SLAIN2: variants seen among roughly 807,000 people sequenced by gnomAD.
SLAIN2 encodes the protein SLAIN motif-containing protein 2.
SLAIN2 carries 31 observed loss-of-function variants against 56.6 expected under a neutral mutation model. The observed-to-expected ratio is 0.55, with a 90% CI of 0.41 to 0.74. SLAIN2 has a LOEUF of 0.74. Ranked by LOEUF, SLAIN2 falls within the 30% of genes least tolerant of loss-of-function variation. The pLI, the probability that SLAIN2 is intolerant of heterozygous loss-of-function variation, is 0.00. For missense variants in SLAIN2, 777 were observed against 754.2 expected (o/e 1.03, Z -0.35); for synonymous variants, 317 against 284.9 (o/e 1.11, Z -1.13).
Position 48,348,648 on chromosome 4 carries a change from C to G in SLAIN2, c.389+6520C>G, listed in dbSNP as rs577626600. On this transcript the variant is annotated intron_variant, in intron 1 of 7. Transcript: ENST00000264313. Reference sequence around the variant, plus strand: ...GAGGTTGCAGTGAGCTGAGATCACGCCATTATACTCCAGCCTGGGCGACAG... The same window carrying G: ...GAGGTTGCAGTGAGCTGAGATCACGGCATTATACTCCAGCCTGGGCGACAG... 2.7e-5 allele frequency among the ~76,000 whole-genome samples: 4 copies of G among 148,860 alleles called. No homozygotes were observed. The East Asian group carries it at 8.0e-4, about 30-fold the overall frequency.
chr4:48,403,139 CT>C (rs925633969), intron 6 of SLAIN2, among the ~76,000 whole-genome samples: 1 of 152,224 alleles, frequency 6.6e-6, no homozygotes, highest in African/African-American at 2.4e-5. Flanking sequence ...CCGAACTCTC[CT>C]TTATGAGGTA....
intron 2 of SLAIN2, among the ~76,000 whole-genome samples, chr4:48,377,537 T>G (rs951327777): frequency 2.0e-5 from 3 of 151,998 alleles, no homozygotes; most frequent in African/African-American, 7.2e-5. Context: ...TGAGAAAACA[T>G]AAGTATGCTT....
chr4:48,372,312 A>G (rs757194370), intron 2 of SLAIN2, among the ~76,000 whole-genome samples: 1 of 152,178 alleles, frequency 6.6e-6, no homozygotes, highest in South Asian at 2.1e-4. Context: ...AACTCTGGCA[A>G]ACTTTTTCTG....
At chr4:48,353,587 CAG>C (rs35220033) in intron 1 of SLAIN2, among the ~76,000 whole-genome samples, 2,699 of 152,102 alleles carry the variant, frequency 0.018, 87 homozygotes, top group African/African-American at 0.062. Context: ...TGGCTGAAAA[CAG>C]AAGGTTTTTT....
intron 6 of SLAIN2, chr4:48,394,456 C>G: frequency 1.4e-6 from 1 of 724,860 alleles, no homozygotes; most frequent in Non-Finnish European, 2.2e-6. Flanking sequence ...ATATTTGCAC[C>G]TTATGGCTTC....
intron 1 of SLAIN2, among the ~76,000 whole-genome samples, chr4:48,354,543 T>G (rs940864389): frequency 6.6e-6 from 1 of 152,108 alleles, no homozygotes; most frequent in Non-Finnish European, 1.5e-5. Context: ...CTCAGCTCAC[T>G]GCAACTTTTG....
At chr4:48,397,048 C>T (rs557170707) in intron 6 of SLAIN2, among the ~76,000 whole-genome samples, 1 of 152,274 alleles carries the variant, frequency 6.6e-6, no homozygotes, top group South Asian at 2.1e-4. Context: ...ATTTTTAAGA[C>T]TTCATGGAAG....
chr4:48,363,875 GC>G, intron 1 of SLAIN2, among the ~76,000 whole-genome samples: 2 of 142,922 alleles, frequency 1.4e-5, no homozygotes, highest in East Asian at 4.3e-4. Context: ...GGGCGGCCGG[GC>G]AGAGGCGCCC....
chr4:48,407,857 C>T (rs560337735), intron 6 of SLAIN2, among the ~76,000 whole-genome samples: 2 of 152,306 alleles, frequency 1.3e-5, no homozygotes, highest in South Asian at 4.2e-4. Context: ...CCTCATTCCT[C>T]ACTTCTTCCA....
In SLAIN2 at chr4:48,363,648, G is replaced by T. The variant is rs1577714573; in HGVS notation, c.390-6201G>T. On this transcript the variant is annotated intron_variant, in intron 1 of 7. Transcript: ENST00000264313. ...CCCCCCCACCTCCCTCCCGGACGGG[G>T]CGGCTGGCCGGGCAGAGGGGCTCCT... Among the ~76,000 whole-genome samples the T allele has an allele frequency of 9.3e-5, 10 of 107,956 alleles. No homozygotes were observed. The South Asian group carries it at 3.1e-3, about 33-fold the overall frequency. The allele number at this position is 107,956 out of a possible 152,430, so 70.8% of individuals were successfully genotyped here.
At chr4:48,371,815 G>C (rs1226554089) in intron 2 of SLAIN2, among the ~76,000 whole-genome samples, 4 of 151,850 alleles carry the variant, frequency 2.6e-5, no homozygotes, top group Non-Finnish European at 4.4e-5. Flanking sequence ...GGCATGGTGT[G>C]CGCCTGTGGT....
At chr4:48,354,695 C>A (rs1715110001) in intron 1 of SLAIN2, among the ~76,000 whole-genome samples, 1 of 151,984 alleles carries the variant, frequency 6.6e-6, no homozygotes, top group African/African-American at 2.4e-5. Flanking sequence ...TCATCCGGAC[C>A]TCAGATGATC....
chr4:48,369,216 T>C (rs1715602942), intron 1 of SLAIN2, among the ~76,000 whole-genome samples: 1 of 152,236 alleles, frequency 6.6e-6, no homozygotes, highest in African/African-American at 2.4e-5. Context: ...AGAAAATTTA[T>C]GTACACACTT....
chr4:48,393,990 C>T (rs528119188), intron 6 of SLAIN2, among the ~76,000 whole-genome samples: 1 of 152,098 alleles, frequency 6.6e-6, no homozygotes, highest in Non-Finnish European at 1.5e-5. Context: ...CACTTGCATA[C>T]GTATGTGCAC....
intron 2 of SLAIN2, among the ~76,000 whole-genome samples, chr4:48,374,104 G>A (rs1450051358): frequency 6.6e-6 from 1 of 152,172 alleles, no homozygotes; most frequent in African/African-American, 2.4e-5. Context: ...CTCCATGTGG[G>A]ATGAAGCATG....
At chr4:48,420,785 A>C (rs566291769) in intron 7 of SLAIN2, among the ~76,000 whole-genome samples, 60 of 152,350 alleles carry the variant, frequency 3.9e-4, no homozygotes, top group African/African-American at 1.4e-3. Flanking sequence ...AAGGTATATT[A>C]GAATATAGAG....
chr4:48,373,714 A>G (rs1036186274), intron 2 of SLAIN2, among the ~76,000 whole-genome samples: 4 of 152,146 alleles, frequency 2.6e-5, no homozygotes, highest in Non-Finnish European at 5.9e-5. Context: ...TTTGACCTGA[A>G]ACCTTAAGAT....
intron 6 of SLAIN2, 153 bp downstream of exon 6, chr4:48,383,937 G>T: frequency 2.8e-6 from 2 of 719,076 alleles, no homozygotes; most frequent in East Asian, 2.8e-5. Flanking sequence ...GTTGCTGGAT[G>T]ATAATCAAAG....
At position 48,385,915 on chromosome 4, in the gene SLAIN2, A is replaced by G. The variant is rs533497489; in HGVS notation, c.1360+2131A>G. ...GCAGGAGTTTGAGACCAGCCTGAGC[A>G]ACACAAGACCTCGTCTCTAAAAAAA... On this transcript the variant is annotated intron_variant, in intron 6 of 7. Coordinates refer to ENST00000264313, the MANE Select transcript of SLAIN2 (RefSeq NM_020846.2). 4.6e-5 allele frequency among the ~76,000 whole-genome samples: 7 copies of G among 151,988 alleles called. No individual in the cohort carries two copies. The East Asian group carries it at 1.4e-3, about 29-fold the overall frequency.
Sources: gnomAD v4.1 joint callset for allele counts (sites outside exome capture counted in the v4.1 genomes callset) on GRCh38, gnomAD v4.1.1 for gene constraint, MANE v1.5 for transcripts, NCBI Gene and HGNC (gene_info 2026-07-23, HGNC 2026-07-21) for gene names.